The following ALG14 variants were observed in gnomAD, a reference collection of about 807,000 sequenced individuals.
ALG14 encodes ALG14 UDP-N-acetylglucosaminyltransferase subunit, also known as UDP-N-acetylglucosamine transferase subunit ALG14.
Under a neutral mutation model 22.8 loss-of-function variants are expected in ALG14, and 17 were observed. That is an observed-to-expected ratio of 0.75 (90% CI 0.51 to 1.12). The LOEUF is 1.12. ALG14 is among the 50% of genes most tolerant of loss of function. The pLI is 0.00. For synonymous variants in ALG14, 89 were observed against 103.7 expected (o/e 0.86, Z 0.86); for missense variants, 288 against 271.8 (o/e 1.06, Z -0.42).
intron 2 of ALG14, among the ~76,000 whole-genome samples, chr1:95,048,999 A>G (rs1366101522): frequency 6.6e-6 from 1 of 152,188 alleles, no homozygotes; most frequent in East Asian, 1.9e-4. Flanking sequence ...CTAAAATATT[A>G]TACACCATTA....
chr1:95,027,384 TTTAAA>T (rs1673854802), intron 2 of ALG14, 124 bp from the exon 3 acceptor site: 2 of 1,197,610 alleles, frequency 1.7e-6, no homozygotes, highest in Admixed American at 2.3e-5. Context: ...TCTAACCACT[TTTAAA>T]TTAGAGTTGT....
At chr1:95,044,406 C>T (rs1334387054) in intron 2 of ALG14, among the ~76,000 whole-genome samples, 1 of 152,140 alleles carries the variant, frequency 6.6e-6, no homozygotes, top group Non-Finnish European at 1.5e-5. Flanking sequence ...CTTACAAGGT[C>T]CTAAATTATC....
intron 3 of ALG14, among the ~76,000 whole-genome samples, chr1:95,024,481 A>C (rs1454530783): frequency 6.6e-6 from 1 of 152,234 alleles, no homozygotes; most frequent in Non-Finnish European, 1.5e-5. Context: ...TATTAGCAGA[A>C]TCTAATACAT....
chr1:95,033,362 C>T (rs182471471), intron 2 of ALG14, among the ~76,000 whole-genome samples: 21 of 150,540 alleles, frequency 1.4e-4, no homozygotes, highest in African/African-American at 5.1e-4. Context: ...CTCAATCCAT[C>T]CTACGGGGGC....
chr1:95,029,275 T>C (rs78400076), intron 2 of ALG14, among the ~76,000 whole-genome samples: 11,985 of 152,272 alleles, frequency 0.079, 500 homozygotes, highest in African/African-American at 0.11. Flanking sequence ...GATCTTTCCA[T>C]AGGGCTCCTT....
intron 3 of ALG14, among the ~76,000 whole-genome samples, chr1:95,020,208 C>A (rs1480208226): frequency 6.6e-6 from 1 of 150,506 alleles, no homozygotes; most frequent in Non-Finnish European, 1.5e-5. Flanking sequence ...CAGAGTGAGA[C>A]TGAGTCTCAA....
At chr1:95,065,508 G>A (rs1245171213) in intron 1 of ALG14, among the ~76,000 whole-genome samples, 1 of 152,176 alleles carries the variant, frequency 6.6e-6, no homozygotes, top group Non-Finnish European at 1.5e-5. Flanking sequence ...GTGGAGATGG[G>A]GATTGTTAGG....
intron 2 of ALG14, among the ~76,000 whole-genome samples, chr1:95,038,419 G>A (rs1211943580): frequency 6.6e-6 from 1 of 152,150 alleles, no homozygotes; most frequent in African/African-American, 2.4e-5. Flanking sequence ...AACCCAGGAG[G>A]AGGAAGTTGC....
At chr1:95,043,187 C>A (rs891566491) in intron 2 of ALG14, among the ~76,000 whole-genome samples, 1 of 152,084 alleles carries the variant, frequency 6.6e-6, no homozygotes, top group African/African-American at 2.4e-5. Flanking sequence ...TTCTCTAGTT[C>A]CTTTCGTTAG....
At position 94,992,555 on chromosome 1, in the gene ALG14, G is replaced by T. The variant is rs1385591874; in HGVS notation, c.421-9249C>A. Among the ~76,000 whole-genome samples, 3 of 151,492 alleles carry T rather than the reference G, an allele frequency of 2.0e-5. No individual in the cohort carries two copies. The South Asian group carries it at 6.2e-4, about 31-fold the overall frequency. On this transcript the variant is annotated intron_variant, in intron 3 of 3. Transcript: ENST00000370205. ...GTTACTGAGGACCAATGGAAGAGGA[G>T]GGTTGAAGAGGAGGGGGAGCTTGAG...
At chr1:95,010,204 C>G (rs1409615446) in intron 3 of ALG14, among the ~76,000 whole-genome samples, 1 of 152,224 alleles carries the variant, frequency 6.6e-6, no homozygotes, top group Non-Finnish European at 1.5e-5. Flanking sequence ...AACCTTTCAA[C>G]TTTATCTTCT....
intron 3 of ALG14, among the ~76,000 whole-genome samples, chr1:95,007,217 T>C (rs554166159): frequency 6.6e-6 from 1 of 152,330 alleles, no homozygotes; most frequent in Admixed American, 6.5e-5. Flanking sequence ...TTTTCCCCCT[T>C]TGTTCGTTTT....
chr1:95,044,784 T>G (rs978398194), intron 2 of ALG14, among the ~76,000 whole-genome samples: 1 of 152,188 alleles, frequency 6.6e-6, no homozygotes, highest in Non-Finnish European at 1.5e-5. Flanking sequence ...GACATTTTTT[T>G]GTGTTTTTTG....
chr1:94,987,969 A>C (rs1672684000), intron 3 of ALG14, among the ~76,000 whole-genome samples: 1 of 152,188 alleles, frequency 6.6e-6, no homozygotes, highest in African/African-American at 2.4e-5. Context: ...CCTCTTGCTG[A>C]TGGAGGTGAA....
intron 3 of ALG14, among the ~76,000 whole-genome samples, chr1:95,006,137 C>T (rs1673211427): frequency 2.0e-5 from 3 of 152,174 alleles, no homozygotes; most frequent in Admixed American, 2.0e-4. Flanking sequence ...ATACGATGAA[C>T]CCGGACTGGT....
intron 3 of ALG14, among the ~76,000 whole-genome samples, chr1:94,996,832 C>G (rs1164707988): frequency 1.3e-5 from 2 of 152,106 alleles, no homozygotes; most frequent in Non-Finnish European, 2.9e-5. Context: ...CAGGTGCCCA[C>G]CACCATGCCC....
chr1:95,056,746 G>GA (rs1160274423), intron 2 of ALG14, among the ~76,000 whole-genome samples: 1 of 151,922 alleles, frequency 6.6e-6, no homozygotes, highest in Non-Finnish European at 1.5e-5. Context: ...ATTCCTAAAG[G>GA]AAAATATAAA....
At chr1:94,994,180 G>A (rs183891563) in intron 3 of ALG14, among the ~76,000 whole-genome samples, 9 of 152,312 alleles carry the variant, frequency 5.9e-5, no homozygotes, top group African/African-American at 1.9e-4. Flanking sequence ...TTTCAGTTGA[G>A]GAAACCGAAT....
intron 1 of ALG14, among the ~76,000 whole-genome samples, chr1:95,065,745 A>G (rs1675338312): frequency 1.3e-5 from 2 of 152,200 alleles, no homozygotes; most frequent in Non-Finnish European, 1.5e-5. Flanking sequence ...CTCCTATGAG[A>G]GGTCTCAGCA....
Sources: gnomAD v4.1 joint callset for allele counts (sites outside exome capture counted in the v4.1 genomes callset) on GRCh38, gnomAD v4.1.1 for gene constraint, MANE v1.5 for transcripts, NCBI Gene and HGNC (gene_info 2026-07-23, HGNC 2026-07-21) for gene names.